Variants in FGF14 observed in about 807,000 individuals in gnomAD.
FGF14 encodes fibroblast growth factor homologous factor 4.
A neutral mutation model predicts 25.5 loss-of-function variants in FGF14; 5 were observed. That is an observed-to-expected ratio of 0.20 (90% confidence interval 0.10 to 0.41). The LOEUF is 0.41. Ranked by LOEUF, FGF14 falls within the 10% of genes least tolerant of loss-of-function variation. The probability of loss-of-function intolerance (pLI) is 1.00; values close to 1 mark genes in which losing one functional copy is unlikely to be tolerated. For missense variants in FGF14, 222 were observed against 320.1 expected (o/e 0.69, Z 2.34); for synonymous variants, 138 against 118.3 (o/e 1.17, Z -1.08).
intron 3 of FGF14, among the ~76,000 whole-genome samples, chr13:101,854,064 TTGAGA>T (rs1299259021): frequency 6.6e-6 from 1 of 152,080 alleles, no homozygotes; most frequent in Non-Finnish European, 1.5e-5. Flanking sequence ...TGCAGTACTG[TTGAGA>T]TATGTTCCTA....
intron 1 of FGF14, among the ~76,000 whole-genome samples, chr13:102,161,626 AAGAAGAAGAAGAAGAAGAAGAAGAAG>A: frequency 0.017 from 188 of 10,846 alleles, 10 homozygotes; most frequent in Admixed American, 0.029. Flanking sequence ...GAAGAAGAAG[AAGAAGAAGAAGAAGAAGAAGAAGAAG>A]AAGAAGAAGA....
chr13:102,259,025 GA>G (rs2052588130), intron 1 of FGF14, among the ~76,000 whole-genome samples: 1 of 152,266 alleles, frequency 6.6e-6, no homozygotes, highest in African/African-American at 2.4e-5. Flanking sequence ...AACATGATCT[GA>G]AAAAGTTAGA....
chr13:101,882,739 G>A (rs2045779384), intron 1 of FGF14, among the ~76,000 whole-genome samples: 3 of 151,996 alleles, frequency 2.0e-5, no homozygotes, highest in Admixed American at 1.3e-4. Flanking sequence ...CACTCATCTT[G>A]TCTGTTCATA....
chr13:101,786,129 A>T (rs1419875960), intron 3 of FGF14, among the ~76,000 whole-genome samples: 1 of 152,044 alleles, frequency 6.6e-6, no homozygotes, highest in African/African-American at 2.4e-5. Context: ...TGCTGGTCTG[A>T]TGTGTTGGCA....
intron 1 of FGF14, among the ~76,000 whole-genome samples, chr13:102,369,548 T>C (rs2057815275): frequency 6.6e-6 from 1 of 152,174 alleles, no homozygotes; most frequent in Admixed American, 6.5e-5. Flanking sequence ...TCCAAAGGGA[T>C]GTTACAATGT....
At chr13:101,821,401 CTG>C (rs1452366094) in intron 3 of FGF14, among the ~76,000 whole-genome samples, 1 of 152,034 alleles carries the variant, frequency 6.6e-6, no homozygotes, top group East Asian at 1.9e-4. Flanking sequence ...GTGTAGTATT[CTG>C]TGTTATGAAT....
chr13:101,816,157 C>T (rs867956919), intron 3 of FGF14, among the ~76,000 whole-genome samples: 2 of 150,958 alleles, frequency 1.3e-5, no homozygotes, highest in African/African-American at 4.9e-5. Context: ...GTAGTCCCAG[C>T]TACTTGGGAG....
chr13:102,347,478 T>G (rs1173846961), intron 1 of FGF14, among the ~76,000 whole-genome samples: 1 of 151,794 alleles, frequency 6.6e-6, no homozygotes, highest in African/African-American at 2.4e-5. Context: ...TCATCAGGAG[T>G]TGACATGGCC....
chr13:102,252,605 G>A (rs2052234613), intron 1 of FGF14, among the ~76,000 whole-genome samples: 1 of 151,952 alleles, frequency 6.6e-6, no homozygotes, highest in African/African-American at 2.4e-5. Context: ...CAAATGCTAT[G>A]TAAATAGCTG....
chr13:101,907,417 C>T (rs921134727), intron 1 of FGF14, among the ~76,000 whole-genome samples: 3 of 152,062 alleles, frequency 2.0e-5, no homozygotes, highest in Non-Finnish European at 4.4e-5. Context: ...TAAAGTATTT[C>T]GATGCTAACT....
chr13:101,987,842 A>C (rs2038677062), intron 1 of FGF14, among the ~76,000 whole-genome samples: 1 of 152,062 alleles, frequency 6.6e-6, no homozygotes, highest in Admixed American at 6.6e-5. Context: ...ATCAATGATC[A>C]TCTCCCTCCA....
chr13:102,241,744 T>C (rs936100419), intron 1 of FGF14, among the ~76,000 whole-genome samples: 4 of 152,090 alleles, frequency 2.6e-5, no homozygotes, highest in African/African-American at 9.7e-5. Context: ...AGAAAGAGTT[T>C]GTTTAGAGTA....
At chr13:102,015,227 C>G (rs2040277321) in intron 1 of FGF14, among the ~76,000 whole-genome samples, 1 of 152,150 alleles carries the variant, frequency 6.6e-6, no homozygotes, top group Non-Finnish European at 1.5e-5. Context: ...TTATGAGAAA[C>G]ATCAGCAGAA....
chr13:101,958,211 T>C (rs1365483503), intron 1 of FGF14, among the ~76,000 whole-genome samples: 1 of 152,186 alleles, frequency 6.6e-6, no homozygotes, highest in Non-Finnish European at 1.5e-5. Flanking sequence ...AGGTTGGCAA[T>C]TTATAAAGGA....
intron 1 of FGF14, among the ~76,000 whole-genome samples, chr13:102,319,381 TCAA>T (rs756834583): frequency 6.6e-6 from 1 of 152,172 alleles, no homozygotes; most frequent in Non-Finnish European, 1.5e-5. Context: ...ACAGACGCCA[TCAA>T]CAACCTCTGA....
chr13:101,927,364 C>T (rs1001896071), intron 1 of FGF14, among the ~76,000 whole-genome samples: 3 of 152,200 alleles, frequency 2.0e-5, no homozygotes, highest in East Asian at 1.9e-4. Context: ...GACACCTAAT[C>T]GATGCAGTCA....
chr13:102,121,355 C>G (rs1401165225), intron 1 of FGF14, among the ~76,000 whole-genome samples: 1 of 152,022 alleles, frequency 6.6e-6, no homozygotes, highest in African/African-American at 2.4e-5. Flanking sequence ...TACTCTTCAC[C>G]ATTTTTTATC....
intron 1 of FGF14, among the ~76,000 whole-genome samples, chr13:102,093,888 G>T (rs909112205): frequency 5.3e-5 from 8 of 151,346 alleles, no homozygotes; most frequent in African/African-American, 1.9e-4. Flanking sequence ...ATGCCAGCAG[G>T]CATGAACATC....
exon 1 of FGF14, chr13:102,401,612 G>A (rs576564677): frequency 6.2e-7 from 1 of 1,614,122 alleles, no homozygotes; most frequent in East Asian, 2.2e-5. Flanking sequence ...AGAAAGAAGA[G>A]ATCCTTGTGG....
Sources: gnomAD v4.1 joint callset for allele counts (sites outside exome capture counted in the v4.1 genomes callset) on GRCh38, gnomAD v4.1.1 for gene constraint, MANE v1.5 for transcripts, NCBI Gene and HGNC (gene_info 2026-07-23, HGNC 2026-07-21) for gene names.